Variants in LAMA2 observed in about 807,000 individuals in gnomAD.
LAMA2 encodes laminin subunit alpha 2.
A neutral mutation model predicts 364.8 loss-of-function variants in LAMA2; 269 were observed. That is an observed-to-expected ratio of 0.74 (90% CI 0.67 to 0.82). The LOEUF (loss-of-function observed/expected upper bound fraction) is 0.82. Among genes scored for constraint, LAMA2 ranks in the 40% least tolerant of loss-of-function variants. The pLI, the probability that LAMA2 is intolerant of heterozygous loss-of-function variation, is 0.00. For missense variants in LAMA2, 3,807 were observed against 3,873.2 expected, an observed-to-expected ratio of 0.98 and a Z score of 0.45; for synonymous variants, 1,379 against 1,370.6, an observed-to-expected ratio of 1.01 and a Z score of -0.14.
intron 3 of LAMA2, among the ~76,000 whole-genome samples, chr6:129,093,274 C>G (rs550651766): frequency 7.0e-6 from 1 of 142,096 alleles, no homozygotes; most frequent in East Asian, 2.1e-4. Context: ...CAGGCGTGAG[C>G]CACCGTGCCC....
At chr6:129,166,828 C>G (rs1227202991) in intron 9 of LAMA2, among the ~76,000 whole-genome samples, 4 of 152,118 alleles carry the variant, frequency 2.6e-5, no homozygotes, top group Non-Finnish European at 5.9e-5. Flanking sequence ...CTCCTCTTAA[C>G]TTTATGTGAT....
At chr6:129,498,349 T>TAA (rs1320936991) in intron 58 of LAMA2, among the ~76,000 whole-genome samples, 2 of 152,212 alleles carry the variant, frequency 1.3e-5, no homozygotes, top group African/African-American at 4.8e-5. Flanking sequence ...CTTTAAGACC[T>TAA]AAGTACAGTC....
chr6:129,359,398 A>C (rs1198995298), intron 32 of LAMA2, among the ~76,000 whole-genome samples: 5 of 151,586 alleles, frequency 3.3e-5, no homozygotes, highest in African/African-American at 4.8e-5. Flanking sequence ...TGAGGTCTAC[A>C]GCTTTCCTCT....
intron 3 of LAMA2, among the ~76,000 whole-genome samples, chr6:129,080,763 G>A (rs1250314764): frequency 1.3e-5 from 2 of 152,158 alleles, no homozygotes; most frequent in South Asian, 2.1e-4. Flanking sequence ...GAGAGGATGT[G>A]GAGAAATAGG....
At position 129,346,680 on chromosome 6, in the gene LAMA2, G is replaced by A. The variant is rs115997897; in HGVS notation, c.4437-2618G>A. On this transcript the variant is annotated intron_variant, in intron 30 of 64. Coordinates refer to ENST00000421865, the MANE Select transcript of LAMA2 (RefSeq NM_000426.4). Reference sequence around the variant, plus strand: ...AACTCAATGCTAGGCATGGCTCTTCGTACTGGGAATATATAAGTGAACAAA... The same window carrying A: ...AACTCAATGCTAGGCATGGCTCTTCATACTGGGAATATATAAGTGAACAAA... Among the ~76,000 whole-genome samples the A allele has an allele frequency of 9.9e-3, 1,505 of 152,218 alleles. 33 individuals are homozygous for A. Among genetic ancestry groups the A allele is most frequent in the African/African-American group, 0.035 (1,441 of 41,520 alleles).
At chr6:129,224,073 T>C (rs1482181294) in intron 12 of LAMA2, among the ~76,000 whole-genome samples, 1 of 152,154 alleles carries the variant, frequency 6.6e-6, no homozygotes, top group Non-Finnish European at 1.5e-5. Flanking sequence ...CCCTTGTAAG[T>C]TGGATTCCTA....
At chr6:129,506,302 G>GTAAT (rs1268534290) in intron 61 of LAMA2, among the ~76,000 whole-genome samples, 1 of 151,918 alleles carries the variant, frequency 6.6e-6, no homozygotes, top group African/African-American at 2.4e-5. Flanking sequence ...GCAGTGAGCT[G>GTAAT]TAATAGCACC....
chr6:128,901,404 A>AT (rs1002192767), intron 1 of LAMA2, among the ~76,000 whole-genome samples: 4 of 152,120 alleles, frequency 2.6e-5, no homozygotes, highest in African/African-American at 9.7e-5. Context: ...ATCCTTGCTT[A>AT]TTTTTTATTA....
chr6:129,313,875 A>C (rs999404608), intron 23 of LAMA2, among the ~76,000 whole-genome samples: 1 of 152,220 alleles, frequency 6.6e-6, no homozygotes, highest in African/African-American at 2.4e-5. Context: ...TACCGAGTAC[A>C]ATGCTGCATT....
At chr6:128,915,665 C>G (rs1472546224) in intron 1 of LAMA2, among the ~76,000 whole-genome samples, 1 of 152,132 alleles carries the variant, frequency 6.6e-6, no homozygotes, top group East Asian at 1.9e-4. Flanking sequence ...TATAACTACA[C>G]TCGATGGGAG....
At chr6:129,438,125 A>G (rs1211040984) in intron 41 of LAMA2, among the ~76,000 whole-genome samples, 1 of 151,804 alleles carries the variant, frequency 6.6e-6, no homozygotes, top group East Asian at 1.9e-4. Flanking sequence ...CTATTATCAG[A>G]TATGTGCTAA....
At chr6:128,962,901 C>T (rs1050926222) in intron 1 of LAMA2, among the ~76,000 whole-genome samples, 12 of 152,172 alleles carry the variant, frequency 7.9e-5, no homozygotes, top group Admixed American at 7.9e-4. Context: ...AGTTTGTCAT[C>T]CACATCTCTT....
chr6:129,198,693 CAAAT>C (rs1357412265), intron 12 of LAMA2, among the ~76,000 whole-genome samples: 5 of 151,392 alleles, frequency 3.3e-5, no homozygotes, highest in South Asian at 2.1e-4. Flanking sequence ...CAAAAATAAA[CAAAT>C]AAGGAAGTAT....
At position 129,353,416 on chromosome 6, in the gene LAMA2, TC is replaced by T. The variant is rs3841288; in HGVS notation, c.4717+61del. On this transcript the variant is annotated intron_variant, in intron 32 of 64. Coordinates refer to ENST00000421865, the MANE Select transcript of LAMA2 (RefSeq NM_000426.4). Reference sequence around the variant, plus strand: ...GCCTTGATTCCAGTTCTGTCTCATTTCCAATGAGAAAGAGTGACTCTCCCCG... The same window carrying T: ...GCCTTGATTCCAGTTCTGTCTCATTTCAATGAGAAAGAGTGACTCTCCCCG... 100,626 of 1,419,780 alleles carry T rather than the reference TC, an allele frequency of 0.071. 5,068 individuals are homozygous for T. The highest frequency in any genetic ancestry group is 0.18 in the African/African-American group (12,824 of 70,434). 87.9% of individuals were successfully genotyped at this position (1,419,780 alleles called of 1,614,324 possible). A position where few individuals can be genotyped will look rare whatever the true frequency, so the allele number is the denominator to read the frequency against.
chr6:129,172,353 C>G (rs1283683136), intron 9 of LAMA2, among the ~76,000 whole-genome samples: 7 of 152,078 alleles, frequency 4.6e-5, no homozygotes, highest in African/African-American at 9.7e-5. Context: ...ATGGGTTTTT[C>G]GTGTGGATGT....
chr6:129,346,318 A>G (rs1418256139), intron 30 of LAMA2, among the ~76,000 whole-genome samples: 1 of 152,278 alleles, frequency 6.6e-6, no homozygotes, highest in African/African-American at 2.4e-5. Context: ...TGCTCTTGCT[A>G]TTCCCTCAGA....
intron 34 of LAMA2, among the ~76,000 whole-genome samples, chr6:129,379,436 G>T (rs1014895803): frequency 3.9e-5 from 6 of 152,066 alleles, no homozygotes; most frequent in African/African-American, 1.4e-4. Context: ...AGATGAGCCT[G>T]ACTGTGTAAC....
chr6:129,400,681 GA>G (rs372792777), intron 37 of LAMA2, among the ~76,000 whole-genome samples: 4 of 152,152 alleles, frequency 2.6e-5, no homozygotes, highest in African/African-American at 9.7e-5. Flanking sequence ...ATGTTCCAAA[GA>G]AAAATTATAA....
chr6:129,263,622 A>G (rs1583369113), intron 15 of LAMA2, among the ~76,000 whole-genome samples: 1 of 150,572 alleles, frequency 6.6e-6, no homozygotes, highest in Admixed American at 6.6e-5. Context: ...CAAGGCCATG[A>G]GGAGATTTGC....
Sources: gnomAD v4.1 joint callset for allele counts (sites outside exome capture counted in the v4.1 genomes callset) on GRCh38, gnomAD v4.1.1 for gene constraint, MANE v1.5 for transcripts, NCBI Gene and HGNC (gene_info 2026-07-23, HGNC 2026-07-21) for gene names.